The following EPS15L1 variants were observed in gnomAD, a reference collection of about 807,000 sequenced individuals.
EPS15L1 encodes the protein epidermal growth factor receptor pathway substrate 15 like 1, also known as epidermal growth factor receptor substrate 15-like 1.
EPS15L1 carries 43 observed loss-of-function variants against 117.1 expected under a neutral mutation model. The ratio of observed to expected loss-of-function variants is 0.37; its 90% CI spans 0.29 to 0.47. The LOEUF is 0.47. Among genes scored for constraint, EPS15L1 ranks in the 20% least tolerant of loss-of-function variants. The pLI, the probability that EPS15L1 is intolerant of heterozygous loss-of-function variation, is 0.99. For synonymous variants in EPS15L1, 459 were observed against 470.5 expected (o/e 0.98, Z 0.32); for missense variants, 981 against 1,164.0 (o/e 0.84, Z 2.29).
At chr19:16,416,009 A>G (rs571101949) in intron 12 of EPS15L1, among the ~76,000 whole-genome samples, 7 of 152,182 alleles carry the variant, frequency 4.6e-5, no homozygotes, top group South Asian at 2.1e-4. Flanking sequence ...TGCACTGAAC[A>G]TGAAGTGGGA....
chr19:16,445,010 C>T (rs778419714), intron 1 of EPS15L1, among the ~76,000 whole-genome samples: 11 of 152,182 alleles, frequency 7.2e-5, no homozygotes, highest in Non-Finnish European at 1.5e-4. Flanking sequence ...TGAGCCACCA[C>T]GCCCAGCCCC....
intron 1 of EPS15L1, among the ~76,000 whole-genome samples, chr19:16,463,027 G>A (rs116284145): frequency 0.013 from 2,037 of 152,284 alleles, 42 homozygotes; most frequent in African/African-American, 0.047. Flanking sequence ...CTGCAGTTGA[G>A]CTGACCTGGA....
intron 22 of EPS15L1, among the ~76,000 whole-genome samples, chr19:16,374,867 G>A (rs1476054389): frequency 6.6e-6 from 1 of 152,212 alleles, no homozygotes; most frequent in African/African-American, 2.4e-5. Context: ...ACACACGCAC[G>A]CATATGTGTG....
chr19:16,442,086 CA>C, intron 2 of EPS15L1, 91 bp downstream of exon 2: 1 of 1,487,792 alleles, frequency 6.7e-7, no homozygotes, highest in Non-Finnish European at 9.4e-7. Flanking sequence ...CAGAAAAGGA[CA>C]AAAGGCCGCT....
chr19:16,400,840 C>T (rs1188579450), intron 16 of EPS15L1: 1 of 985,266 alleles, frequency 1.0e-6, no homozygotes, highest in African/African-American at 1.7e-5. Flanking sequence ...CACTTGCAAA[C>T]TGCCACTTCA....
intron 9 of EPS15L1, among the ~76,000 whole-genome samples, chr19:16,423,793 T>A (rs2092840661): frequency 6.6e-6 from 1 of 152,090 alleles, no homozygotes; most frequent in Non-Finnish European, 1.5e-5. Context: ...AAGCCAGGGA[T>A]CACAAAGAGG....
intron 16 of EPS15L1, among the ~76,000 whole-genome samples, chr19:16,398,076 A>G (rs1426608719): frequency 6.6e-6 from 1 of 152,230 alleles, no homozygotes; most frequent in African/African-American, 2.4e-5. Context: ...AAGGTCCAAA[A>G]GAAAGTTTCC....
chr19:16,441,839 G>C, intron 3 of EPS15L1, 53 bp downstream of exon 3: 5 of 1,445,198 alleles, frequency 3.5e-6, no homozygotes, highest in Admixed American at 1.8e-5. Context: ...TGACCTGCGG[G>C]GGGAGCTGTG....
upstream of EPS15L1, chr19:16,471,987 C>CGG (rs1208841168): frequency 1.6e-6 from 2 of 1,255,858 alleles, no homozygotes; most frequent in African/African-American, 3.1e-5. The surrounding 1 kb of genome is among the most constrained non-coding windows in gnomAD (Gnocchi z 4.8). Flanking sequence ...GGAACGGGGG[C>CGG]GGGGCTGCAG....
rs779388450 is a variant in EPS15L1, at chr19:16,403,787, G to A, written c.1572C>T (p.Val524=). Residue 524 remains valine, a synonymous_variant, in exon 15 of 24, where the codon GTC becomes GTT. Coordinates refer to ENST00000455140, the MANE Select transcript of EPS15L1 (RefSeq NM_001258374.3). ...GGGACTTGATGATGGTTTCCAGCTG[G>A]ACTCGCCCAGCCTGAATGCTCTGCT... ...QLEQSIQAGR[V]QLETIIKSLK... 1.8e-5 allele frequency: 29 copies of A among 1,613,840 alleles called. 1 individual carries two copies. In the Middle Eastern group the frequency reaches 4.9e-4, roughly 27 times the overall value.
chr19:16,452,531 G>A (rs1043178535), intron 1 of EPS15L1, among the ~76,000 whole-genome samples: 1 of 151,070 alleles, frequency 6.6e-6, no homozygotes, highest in Non-Finnish European at 1.5e-5. Context: ...AAGGCAGGAG[G>A]ATTGCCTGAG....
rs1016784460 is a variant in EPS15L1 at position 16,471,675 on chromosome 19, G to A, written c.33+238C>T. ...CAGGGTCCGGGCCCTGGGCGGAGAG[G>A]ACACGCGCTGCGCACCTCCTCGCCT... On this transcript the variant is annotated intron_variant, in intron 1 of 23. Coordinates refer to ENST00000455140, the MANE Select transcript of EPS15L1 (RefSeq NM_001258374.3). This position sits in a 1 kb window ranked among gnomAD's most constrained non-coding sequence, Gnocchi z 4.8. Among the ~76,000 whole-genome samples, 5 of 152,138 alleles carry A rather than the reference G, an allele frequency of 3.3e-5. No individual in the cohort carries two copies. The East Asian group carries it at 7.7e-4, about 24-fold the overall frequency.
At chr19:16,450,477 CTTTTTTTTTTTTT>C (rs768287701) in intron 1 of EPS15L1, among the ~76,000 whole-genome samples, 2 of 108,198 alleles carry the variant, frequency 1.8e-5, no homozygotes, top group Admixed American at 1.0e-4. Flanking sequence ...TGTCCATCTT[CTTTTTTTTTTTTT>C]TTTTTTTTGA....
intron 22 of EPS15L1, among the ~76,000 whole-genome samples, chr19:16,367,662 G>C (rs1451762113): frequency 6.6e-6 from 1 of 150,962 alleles, no homozygotes; most frequent in African/African-American, 2.4e-5. Flanking sequence ...TAGCGTTCTT[G>C]GTCAGCAAAG....
intron 1 of EPS15L1, among the ~76,000 whole-genome samples, chr19:16,466,215 C>T (rs988170487): frequency 9.9e-5 from 15 of 152,030 alleles, no homozygotes; most frequent in African/African-American, 1.4e-4. Context: ...CTTGAACTCT[C>T]GACCTCCAGT....
rs56900530 is a variant in EPS15L1, at chr19:16,433,962, C to CATAAATAAATAAATAA, written c.498+387_498+402dup. Among the ~76,000 whole-genome samples the CATAAATAAATAAATAA allele has an allele frequency of 9.5e-4, 141 of 148,972 alleles. 1 individual carries two copies. The highest frequency in any genetic ancestry group is 1.2e-3 in the Non-Finnish European group (83 of 67,500). The stretch of plus-strand genomic sequence containing the variant: ...TAGGCAACAGAGCAAGACTCCATCT[C>CATAAATAAATAAATAA]ATAAATAAATAAATAAATAAATAAA... On this transcript the variant is annotated intron_variant, in intron 7 of 23. Transcript: ENST00000455140.
intron 17 of EPS15L1, among the ~76,000 whole-genome samples, chr19:16,394,947 C>T (rs2092523763): frequency 6.6e-6 from 1 of 152,034 alleles, no homozygotes; most frequent in Non-Finnish European, 1.5e-5. Flanking sequence ...CTGCTGGGTG[C>T]GGTGCCTCAC....
chr19:16,375,758 G>C lies in EPS15L1; in HGVS notation c.2380+1364C>G, dbSNP rs1477027266. 2.0e-5 allele frequency among the ~76,000 whole-genome samples: 3 copies of C among 152,174 alleles called. No individual in the cohort carries two copies. The East Asian group carries it at 5.8e-4, about 29-fold the overall frequency. On this transcript the variant is annotated intron_variant, in intron 22 of 23. Coordinates refer to ENST00000455140, the MANE Select transcript of EPS15L1 (RefSeq NM_001258374.3). The stretch of plus-strand genomic sequence containing the variant: ...TCTAAATCCACACAGCCCATACTTG[G>C]TCATACTTTTTCTCCTGACTCATCC...
chr19:16,452,140 A>G (rs1406307618), intron 1 of EPS15L1, among the ~76,000 whole-genome samples: 6 of 147,156 alleles, frequency 4.1e-5, no homozygotes, highest in African/African-American at 1.5e-4. Context: ...CTTCGTCTCA[A>G]AAAAAAAAAA....
Sources: allele counts gnomAD v4.1 joint callset (sites outside exome capture counted in the v4.1 genomes callset), GRCh38; gene constraint gnomAD v4.1.1; non-coding constraint Gnocchi (gnomAD v3.1); transcripts MANE v1.5; gene names NCBI Gene and HGNC (gene_info 2026-07-23, HGNC 2026-07-21).